MICA: variants seen among roughly 807,000 people sequenced by gnomAD.
The protein encoded by MICA is HLA class I antigen.
Under a neutral mutation model 34.3 loss-of-function variants are expected in MICA, and 18 were observed. The observed-to-expected ratio is 0.52, with a 90% CI of 0.36 to 0.78. MICA has a LOEUF of 0.78. MICA is among the 30% of genes least tolerant of loss of function. The pLI, the probability that MICA is intolerant of heterozygous loss-of-function variation, is 0.00. For missense variants in MICA, 333 were observed against 409.4 expected (o/e 0.81, Z 1.61); for synonymous variants, 135 against 156.9 (o/e 0.86, Z 1.04).
At position 31,410,309 on chromosome 6, in the gene MICA, C is replaced by A. The variant is rs62395262; in HGVS notation, c.71-234C>A. Among the ~76,000 whole-genome samples the A allele has an allele frequency of 9.9e-3, 1,505 of 152,090 alleles. 19 individuals are homozygous for A. Among genetic ancestry groups the A allele is most frequent in the East Asian group, 0.019 (98 of 5,158 alleles). On this transcript the variant is annotated intron_variant, in intron 1 of 5. Transcript: ENST00000449934. ...CTTAGGGGGCTTGTGGCCACCCAGT[C>A]CTTGCACCTGGCCTACAAGTTTGCC... is the stretch of plus-strand genomic sequence containing the variant.
chr6:31,410,582 G>A lies in MICA; in HGVS notation c.110G>A (p.Trp37Ter), dbSNP rs17206518. The A allele has an allele frequency of 3.7e-6, 6 of 1,613,192 alleles. No individual in the cohort carries two copies. The highest frequency in any genetic ancestry group is 2.2e-5 in the South Asian group (2 of 91,054). The change falls in exon 2 of 6, where the codon TGG becomes TAG. Residue 37 changes from tryptophan to a stop codon, truncating the protein, a stop_gained. Coordinates refer to ENST00000449934, the MANE Select transcript of MICA (RefSeq NM_001177519.3). LOFTEE classifies it high-confidence loss of function. ...CGTTATAACCTCACGGTGCTGTCCT[G>A]GGATGGATCTGTGCAGTCAGGGTTT... ...SLRYNLTVLS[W>*]DGSVQSGFLA...
intron 1 of MICA, among the ~76,000 whole-genome samples, chr6:31,409,506 A>C (rs1211828225): frequency 2.7e-5 from 3 of 109,946 alleles, no homozygotes; most frequent in Non-Finnish European, 2.2e-5. Context: ...TTTTTCCCCC[A>C]CATAGCTTCT....
chr6:31,410,759 T>C lies in MICA; in HGVS notation c.287T>C (p.Leu96Pro). The change falls in exon 2 of 6, where the codon CTC (leucine) becomes CCC (proline). Residue 96 changes from leucine (L) to proline (P), a missense_variant. Transcript: ENST00000449934. ...GACTTGACAGGGAACGGAAAGGACC[T>C]CAGGATGACCCTGGCTCATATCAAG... is the stretch of plus-strand genomic sequence containing the variant. ...TRDLTGNGKD[L>P]RMTLAHIKDQ... 2 of 1,585,216 alleles carry C rather than the reference T, an allele frequency of 1.3e-6. No homozygotes were observed. Among genetic ancestry groups the C allele is most frequent in the Non-Finnish European group, 1.7e-6 (2 of 1,165,838 alleles).
intron 5 of MICA, among the ~76,000 whole-genome samples, chr6:31,414,762 T>A (rs1771415940): frequency 6.6e-6 from 1 of 151,860 alleles, no homozygotes; most frequent in Admixed American, 6.6e-5. Context: ...TCCTTTAGTC[T>A]TGGGGCCCTT....
chr6:31,406,168 A>G lies in MICA; in HGVS notation c.70+2466A>G, dbSNP rs562714901. ...TGTACTAGTTTACGTTCCCACCAAC[A>G]GTGTACATCCTCACCAGCATTCCTT... On this transcript the variant is annotated intron_variant, in intron 1 of 5. Transcript: ENST00000449934. 3.4e-4 allele frequency among the ~76,000 whole-genome samples: 52 copies of G among 151,878 alleles called. 2 individuals are homozygous for G. The highest frequency in any genetic ancestry group is 3.0e-3 in the Admixed American group (46 of 15,152).
Position 31,411,770 on chromosome 6 carries a change from C to T in MICA, c.614-177C>T, listed in dbSNP as rs530309297. Among the ~76,000 whole-genome samples, 1 of 151,978 alleles carries T rather than the reference C, an allele frequency of 6.6e-6. No homozygotes were observed. The highest frequency in any genetic ancestry group is 2.1e-4 in the South Asian group (1 of 4,812). On this transcript the variant is annotated intron_variant, in intron 3 of 5. Coordinates refer to ENST00000449934, the MANE Select transcript of MICA (RefSeq NM_001177519.3). This position sits in a 1 kb window ranked among gnomAD's most constrained non-coding sequence, Gnocchi z 4.3. ...ATCCCAGAGCCTGAGGCCACAGTCC[C>T]AAGGCCCATCCTCCTGCCAGCCTGG...
At chr6:31,402,665 A>G (rs577199129), upstream of MICA, among the ~76,000 whole-genome samples, 1 of 151,848 alleles carries the variant, frequency 6.6e-6, no homozygotes, top group South Asian at 2.1e-4. Context: ...ACTCCCGGAG[A>G]TGATGGGGAA....
In MICA at chr6:31,415,139, G is replaced by A. The variant is rs560914055; in HGVS notation, c.*157G>A. The stretch of plus-strand genomic sequence containing the variant: ...CCACTGGCTCCACTGAGGGCACCTA[G>A]ACTCTACAGCCAGGCGGCTGGAATT... On this transcript the variant is annotated 3_prime_UTR_variant, in exon 6 of 6. Coordinates refer to ENST00000449934, the MANE Select transcript of MICA (RefSeq NM_001177519.3). 12 of 1,033,398 alleles carry A rather than the reference G, an allele frequency of 1.2e-5. No homozygotes were observed. Among genetic ancestry groups the A allele is most frequent in the South Asian group, 7.7e-5 (6 of 77,424 alleles). The allele number at this position is 1,033,398 out of a possible 1,614,324, so 64.0% of individuals were successfully genotyped here. A position where few individuals can be genotyped will look rare whatever the true frequency, so the allele number is the denominator to read the frequency against.
intron 1 of MICA, among the ~76,000 whole-genome samples, chr6:31,405,173 T>TAA (rs1356191570): frequency 6.7e-6 from 1 of 150,334 alleles, no homozygotes; most frequent in Non-Finnish European, 1.5e-5. Context: ...AACCCAGACC[T>TAA]AAAACAGGCT....
intron 1 of MICA, among the ~76,000 whole-genome samples, chr6:31,404,291 TC>T (rs1168034881): frequency 6.6e-6 from 1 of 151,540 alleles, no homozygotes; most frequent in East Asian, 2.0e-4. Context: ...AGAGGATTCT[TC>T]CTGCGACTTC....
In MICA at chr6:31,403,749, C is replaced by G; in HGVS notation, c.70+47C>G. ...CCTCGGCGGAGCGGGAGCAGTGGGA[C>G]GTTTCCGGGGGTCGGGTGGGTAGCG... On this transcript the variant is annotated intron_variant, in intron 1 of 5. Transcript: ENST00000449934. This position sits in a 1 kb window ranked among gnomAD's most constrained non-coding sequence, Gnocchi z 4.7. The G allele has an allele frequency of 6.7e-7, 1 of 1,502,556 alleles. No homozygotes were observed. Among genetic ancestry groups the G allele is most frequent in the Non-Finnish European group, 8.9e-7 (1 of 1,123,892 alleles). 93.1% of individuals were successfully genotyped at this position (1,502,556 alleles called of 1,614,324 possible). A position where few individuals can be genotyped will look rare whatever the true frequency, so the allele number is the denominator to read the frequency against.
At chr6:31,410,515 G>A (rs572305320) in intron 1 of MICA, 28 bp from the exon 2 acceptor site, 285 of 1,604,388 alleles carry the variant, frequency 1.8e-4, no homozygotes, top group Non-Finnish European at 2.3e-4. Context: ...CCAGGAAGAA[G>A]TTTCACCTGT....
chr6:31,412,714 C>T (rs1344429932), intron 5 of MICA, among the ~76,000 whole-genome samples: 1 of 151,920 alleles, frequency 6.6e-6, no homozygotes, highest in African/African-American at 2.4e-5. Flanking sequence ...AGGGCTGCGG[C>T]GCCTGCTCTG....
At chr6:31,413,065 T>G (rs1262194704) in intron 5 of MICA, among the ~76,000 whole-genome samples, 2 of 151,840 alleles carry the variant, frequency 1.3e-5, no homozygotes, top group Non-Finnish European at 2.9e-5. Flanking sequence ...CATGGCCATC[T>G]CTGTCCACTT....
rs147896524 is a variant in MICA at position 31,404,384 on chromosome 6, G to A, written c.70+682G>A. On this transcript the variant is annotated intron_variant, in intron 1 of 5. Transcript: ENST00000449934. ...CTCATCCCACCCCTACTAATGACCAGTGATCTAAGGACACCAGATTCCCTC... is the reference window on the plus strand; with the variant it reads ...CTCATCCCACCCCTACTAATGACCAATGATCTAAGGACACCAGATTCCCTC... Among the ~76,000 whole-genome samples the A allele has an allele frequency of 4.0e-3, 604 of 151,598 alleles. 11 individuals carry two copies. In the East Asian group the frequency reaches 0.047, roughly 12 times the overall value.
Position 31,405,770 on chromosome 6 carries a change from C to A in MICA, c.70+2068C>A, listed in dbSNP as rs190715652. On this transcript the variant is annotated intron_variant, in intron 1 of 5. Transcript: ENST00000449934. ...TTCTATTGTCTCTCCCCATGAGGTC[C>A]ATTGTTTTAAATTTTGGCTGCCACA... is the stretch of plus-strand genomic sequence containing the variant. Among the ~76,000 whole-genome samples the A allele has an allele frequency of 4.2e-3, 636 of 151,912 alleles. 15 individuals are homozygous for A. The East Asian group carries it at 0.052, about 12-fold the overall frequency.
At chr6:31,410,249 C>A (rs370260901) in intron 1 of MICA, among the ~76,000 whole-genome samples, 1 of 152,024 alleles carries the variant, frequency 6.6e-6, no homozygotes, top group East Asian at 1.9e-4. Flanking sequence ...CTCCCTTGCC[C>A]CTGCAGGGCA....
chr6:31,406,997 T>C (rs1209996429), intron 1 of MICA, among the ~76,000 whole-genome samples: 1 of 151,882 alleles, frequency 6.6e-6, no homozygotes, highest in Non-Finnish European at 1.5e-5. Flanking sequence ...ATTCCTCTAG[T>C]TTTGTTCATT....
At position 31,403,609 on chromosome 6, in the gene MICA, T is replaced by C. The variant is rs1206667720; in HGVS notation, c.-24T>C. The C allele has an allele frequency of 6.7e-7, 1 of 1,495,088 alleles. No homozygotes were observed. Among genetic ancestry groups the C allele is most frequent in the Non-Finnish European group, 8.9e-7 (1 of 1,124,764 alleles). The allele number at this position is 1,495,088 out of a possible 1,614,324, so 92.6% of individuals were successfully genotyped here. A position where few individuals can be genotyped will look rare whatever the true frequency, so the allele number is the denominator to read the frequency against. On this transcript the variant is annotated 5_prime_UTR_variant, in exon 1 of 6. Transcript: ENST00000449934. This position sits in a 1 kb window ranked among gnomAD's most constrained non-coding sequence, Gnocchi z 4.7. The stretch of plus-strand genomic sequence containing the variant: ...TCTCCCCGGCCACTGCTTGAGCCGC[T>C]GAGAGGGTGGCGACGTCGGGGCCAT...
Sources: gnomAD v4.1 joint callset for allele counts (sites outside exome capture counted in the v4.1 genomes callset) on GRCh38, gnomAD v4.1.1 for gene constraint, Gnocchi (gnomAD v3.1) non-coding constraint, MANE v1.5 for transcripts, NCBI Gene and HGNC (gene_info 2026-07-23, HGNC 2026-07-21) for gene names.